TUSC3: variants seen among roughly 807,000 people sequenced by gnomAD.
TUSC3 encodes the protein tumor suppressor candidate 3, also known as dolichyl-diphosphooligosaccharide--protein glycosyltransferase subunit TUSC3.
TUSC3 carries 45 observed loss-of-function variants against 44.8 expected under a neutral mutation model. The ratio of observed to expected loss-of-function variants is 1.00; its 90% CI spans 0.79 to 1.29. The LOEUF is 1.29. Ranked by LOEUF, TUSC3 falls within the 50% of genes most tolerant of loss-of-function variation. The pLI, the probability that TUSC3 is intolerant of heterozygous loss-of-function variation, is 0.00. For synonymous variants in TUSC3, 212 were observed against 152.9 expected (o/e 1.39, Z -2.85); for missense variants, 519 against 437.9 (o/e 1.19, Z -1.65).
Position 15,693,467 on chromosome 8 carries a change from A to G in TUSC3, c.798+19631A>G, listed in dbSNP as rs532081893. ...TTTTTTTTTTTTTTTTTTTTTTTTAAAGAATGCTGAATATAGGTTGAATCT... is the reference window on the plus strand; with the variant it reads ...TTTTTTTTTTTTTTTTTTTTTTTTAGAGAATGCTGAATATAGGTTGAATCT... On this transcript the variant is annotated intron_variant, in intron 6 of 10. Coordinates refer to ENST00000503731, the MANE Select transcript of TUSC3 (RefSeq NM_006765.4). 7.1e-3 allele frequency among the ~76,000 whole-genome samples: 635 copies of G among 89,890 alleles called. 2 individuals carry two copies. Among genetic ancestry groups the G allele is most frequent in the African/African-American group, 0.021 (567 of 27,196 alleles). 59.0% of individuals were successfully genotyped at this position (89,890 alleles called of 152,430 possible).
rs183153225 is a variant in TUSC3, at chr8:15,417,634, T to G, written n.91+329T>G. On this transcript the variant is annotated intron_variant and non_coding_transcript_variant, in intron 1 of 5. Coordinates refer to the TUSC3 transcript ENST00000503191. ...TGTAAAGAAGGAGTTAGGGTAAATA[T>G]ATACTAGAGAGAAAATATTGCTGCA... Among the ~76,000 whole-genome samples the G allele has an allele frequency of 6.9e-4, 105 of 152,328 alleles. 2 individuals are homozygous for G. The South Asian group carries it at 0.021, about 30-fold the overall frequency.
At chr8:15,513,765 G>A (rs760659676) in intron 2 of TUSC3, among the ~76,000 whole-genome samples, 10 of 152,270 alleles carry the variant, frequency 6.6e-5, no homozygotes, top group Non-Finnish European at 1.3e-4. Context: ...CAGAGGAGGC[G>A]TCTCAGGTAC....
At chr8:15,632,054 T>C (rs1805793704) in intron 2 of TUSC3, among the ~76,000 whole-genome samples, 2 of 152,168 alleles carry the variant, frequency 1.3e-5, no homozygotes, top group Admixed American at 1.3e-4. Flanking sequence ...TTTAAGTAAA[T>C]TAATATTAGT....
At chr8:15,603,922 AC>A (rs1475728000) in intron 1 of TUSC3, among the ~76,000 whole-genome samples, 3 of 151,618 alleles carry the variant, frequency 2.0e-5, no homozygotes, top group Admixed American at 1.3e-4. Context: ...CAGTTTAAGA[AC>A]CCTTTTAGAG....
the TUSC3 span, among the ~76,000 whole-genome samples, chr8:15,807,719 G>C: frequency 6.6e-6 from 1 of 152,110 alleles, no homozygotes; most frequent in Non-Finnish European, 1.5e-5. Context: ...GCAGCAATGT[G>C]GATGCAGCTG....
chr8:15,834,972 C>T, the TUSC3 span, among the ~76,000 whole-genome samples: 3 of 152,164 alleles, frequency 2.0e-5, no homozygotes, highest in African/African-American at 7.2e-5. Context: ...TTAGGACATG[C>T]AAGGGTCATG....
chr8:15,423,892 G>T lies in TUSC3; in HGVS notation n.91+6587G>T, dbSNP rs1162884715. 7.3e-5 allele frequency among the ~76,000 whole-genome samples: 11 copies of T among 150,134 alleles called. No individual in the cohort carries two copies. The Admixed American group carries it at 7.4e-4, about 10-fold the overall frequency. ...GAGAGAAGGCGGGATTACCCCTGTT[G>T]TGTGGGGCTTATTGACCAGGATGTT... On this transcript the variant is annotated intron_variant and non_coding_transcript_variant, in intron 1 of 5. Coordinates refer to the TUSC3 transcript ENST00000503191.
chr8:15,625,363 G>A (rs1217457580), intron 2 of TUSC3, among the ~76,000 whole-genome samples: 2 of 152,132 alleles, frequency 1.3e-5, no homozygotes, highest in African/African-American at 4.8e-5. Flanking sequence ...CATAAAATGA[G>A]TTGGGGAATG....
intron 6 of TUSC3, among the ~76,000 whole-genome samples, chr8:15,692,404 T>C (rs1162299719): frequency 8.0e-5 from 10 of 124,436 alleles, no homozygotes; most frequent in African/African-American, 3.0e-4. Context: ...TTTTTTGCAA[T>C]AGTTTCAGTG....
the TUSC3 span, among the ~76,000 whole-genome samples, chr8:15,817,846 C>T: frequency 6.6e-6 from 1 of 152,140 alleles, no homozygotes; most frequent in Non-Finnish European, 1.5e-5. Flanking sequence ...TCACGATATG[C>T]TTCTAAGGAA....
intron 1 of TUSC3, among the ~76,000 whole-genome samples, chr8:15,453,797 G>A (rs570129855): frequency 7.9e-5 from 12 of 152,152 alleles, no homozygotes; most frequent in Admixed American, 7.9e-4. Context: ...AATGTCAGGC[G>A]ACCACTAGGT....
chr8:15,560,409 C>G (rs201393566), intron 1 of TUSC3, among the ~76,000 whole-genome samples: 2 of 142,472 alleles, frequency 1.4e-5, no homozygotes, highest in African/African-American at 5.1e-5. Flanking sequence ...GAGGGTAACC[C>G]GACCTTTCTC....
At chr8:15,546,309 G>A (rs1242988830) in intron 1 of TUSC3, among the ~76,000 whole-genome samples, 2 of 151,548 alleles carry the variant, frequency 1.3e-5, no homozygotes, top group African/African-American at 2.4e-5. Flanking sequence ...TAACATTCTG[G>A]CACATCAGTT....
intron 5 of TUSC3, among the ~76,000 whole-genome samples, chr8:15,663,383 A>C (rs10094720): frequency 0.54 from 82,466 of 151,554 alleles, 22,547 homozygotes; most frequent in East Asian, 0.71. Flanking sequence ...TTTACAGCTA[A>C]TTGTCAGTTT....
At chr8:15,479,465 A>T (rs751930450) in intron 1 of TUSC3, among the ~76,000 whole-genome samples, 2 of 152,108 alleles carry the variant, frequency 1.3e-5, no homozygotes, top group Admixed American at 1.3e-4. Flanking sequence ...TTTGTGTAAG[A>T]TGAAAGGAAG....
chr8:15,698,956 C>T (rs569479142), intron 6 of TUSC3, among the ~76,000 whole-genome samples: 2 of 151,888 alleles, frequency 1.3e-5, no homozygotes, highest in Non-Finnish European at 2.9e-5. Context: ...AAGCCATCCT[C>T]CCACCTCAGC....
chr8:15,577,328 T>C (rs984106103), intron 1 of TUSC3, among the ~76,000 whole-genome samples: 1 of 151,862 alleles, frequency 6.6e-6, no homozygotes, highest in Non-Finnish European at 1.5e-5. Context: ...GAGATCCCAT[T>C]TGTCAATTTT....
intron 1 of TUSC3, among the ~76,000 whole-genome samples, chr8:15,571,593 T>C (rs77573721): frequency 0.025 from 3,737 of 152,214 alleles, 149 homozygotes; most frequent in African/African-American, 0.084. Context: ...CCAATAAGGG[T>C]ACTGGCTGCT....
At chr8:15,749,302 G>A (rs352783) in intron 9 of TUSC3, among the ~76,000 whole-genome samples, 49,553 of 151,830 alleles carry the variant, frequency 0.33, 8,357 homozygotes, top group Admixed American at 0.42. Context: ...CCACCTGTGA[G>A]CAGTGGACAT....
Sources: allele counts gnomAD v4.1 joint callset (sites outside exome capture counted in the v4.1 genomes callset), GRCh38; gene constraint gnomAD v4.1.1; transcripts MANE v1.5; gene names NCBI Gene and HGNC (gene_info 2026-07-23, HGNC 2026-07-21).